The following ZHX2 variants were observed in gnomAD, a reference collection of about 807,000 sequenced individuals.
ZHX2 encodes the protein zinc fingers and homeoboxes protein 2.
ZHX2 carries 6 observed loss-of-function variants against 21.9 expected under a neutral mutation model. The ratio of observed to expected loss-of-function variants is 0.27; its 90% CI spans 0.15 to 0.54. The LOEUF (loss-of-function observed/expected upper bound fraction) is 0.54, where lower values mean the gene tolerates loss of function less well. ZHX2 is among the 20% of genes least tolerant of loss of function. The pLI is 0.95. For missense variants in ZHX2, 908 were observed against 1,090.7 expected (o/e 0.83, Z 2.36); for synonymous variants, 434 against 437.1 (o/e 0.99, Z 0.09).
At chr8:122,834,088 C>T (rs1396548056) in intron 1 of ZHX2, among the ~76,000 whole-genome samples, 1 of 152,088 alleles carries the variant, frequency 6.6e-6, no homozygotes, top group East Asian at 1.9e-4. Flanking sequence ...CCCTCAATTC[C>T]CACAACGGAG....
chr8:122,839,264 A>G (rs1175826702), intron 1 of ZHX2, among the ~76,000 whole-genome samples: 9 of 152,174 alleles, frequency 5.9e-5, no homozygotes, highest in African/African-American at 9.7e-5. Flanking sequence ...TGCACAAGCA[A>G]TGGACAAAAT....
At chr8:122,889,192 G>A (rs1411244507) in intron 2 of ZHX2, among the ~76,000 whole-genome samples, 1 of 152,180 alleles carries the variant, frequency 6.6e-6, no homozygotes, top group Non-Finnish European at 1.5e-5. Context: ...AAACATGGGA[G>A]TGCAGATATC....
At chr8:122,809,401 G>A (rs969869947) in intron 1 of ZHX2, among the ~76,000 whole-genome samples, 1 of 152,216 alleles carries the variant, frequency 6.6e-6, no homozygotes, top group Non-Finnish European at 1.5e-5. Flanking sequence ...TGGGGAGGCT[G>A]AGGCAGGAGA....
At chr8:122,915,175 G>C (rs1820570790) in intron 2 of ZHX2, among the ~76,000 whole-genome samples, 1 of 152,176 alleles carries the variant, frequency 6.6e-6, no homozygotes, top group Non-Finnish European at 1.5e-5. Flanking sequence ...GAGCAGGAAG[G>C]GGCCATACAG....
intron 3 of ZHX2, among the ~76,000 whole-genome samples, chr8:122,968,521 A>G (rs966488348): frequency 6.6e-6 from 1 of 152,072 alleles, no homozygotes; most frequent in African/African-American, 2.4e-5. Flanking sequence ...CCCTCAATAA[A>G]AGAAATGAAA....
intron 2 of ZHX2, among the ~76,000 whole-genome samples, chr8:122,899,241 C>G (rs1038847557): frequency 1.3e-5 from 2 of 152,116 alleles, no homozygotes; most frequent in Non-Finnish European, 2.9e-5. Flanking sequence ...CTAACTCCTA[C>G]AAAGATCCTC....
At chr8:122,824,949 G>A (rs1443157797) in intron 1 of ZHX2, among the ~76,000 whole-genome samples, 3 of 152,328 alleles carry the variant, frequency 2.0e-5, no homozygotes, top group African/African-American at 4.8e-5. Flanking sequence ...GCAGTGGTCA[G>A]TTGAGTCTTT....
chr8:122,880,097 C>T (rs960757993), intron 2 of ZHX2, among the ~76,000 whole-genome samples: 1 of 151,766 alleles, frequency 6.6e-6, no homozygotes, highest in Non-Finnish European at 1.5e-5. Flanking sequence ...CTCAGCCTCC[C>T]GAGTACCTGG....
chr8:122,804,600 G>A (rs1414505374), intron 1 of ZHX2, among the ~76,000 whole-genome samples: 1 of 152,194 alleles, frequency 6.6e-6, no homozygotes, highest in Non-Finnish European at 1.5e-5. Context: ...TAGGCCGGAG[G>A]TATGCAAAAA....
intron 2 of ZHX2, among the ~76,000 whole-genome samples, chr8:122,880,409 T>C (rs951608309): frequency 6.6e-6 from 1 of 152,018 alleles, no homozygotes; most frequent in African/African-American, 2.4e-5. Context: ...CTCCCCTCTT[T>C]CCTGTGAAAA....
At chr8:122,919,586 A>C (rs1358692643) in intron 2 of ZHX2, among the ~76,000 whole-genome samples, 1 of 152,256 alleles carries the variant, frequency 6.6e-6, no homozygotes, top group East Asian at 1.9e-4. Flanking sequence ...ATTTTCAAAG[A>C]TGACAGGGCT....
chr8:122,882,530 T>A (rs548219299), intron 2 of ZHX2, among the ~76,000 whole-genome samples: 1 of 152,292 alleles, frequency 6.6e-6, no homozygotes, highest in South Asian at 2.1e-4. Flanking sequence ...TTGGGTCCCC[T>A]AGACTTTCTC....
intron 2 of ZHX2, among the ~76,000 whole-genome samples, chr8:122,908,077 C>G (rs931120824): frequency 4.6e-5 from 7 of 152,162 alleles, no homozygotes; most frequent in Admixed American, 6.5e-5. Context: ...GCTGTGTGTT[C>G]TCCGTGGATG....
At chr8:122,938,119 G>A (rs1225327123) in intron 2 of ZHX2, among the ~76,000 whole-genome samples, 1 of 150,908 alleles carries the variant, frequency 6.6e-6, no homozygotes, top group Non-Finnish European at 1.5e-5. Flanking sequence ...ATTTTTAGTA[G>A]AGACAGGGTT....
At chr8:122,895,183 C>T (rs1820071263) in intron 2 of ZHX2, among the ~76,000 whole-genome samples, 1 of 152,166 alleles carries the variant, frequency 6.6e-6, no homozygotes, top group Non-Finnish European at 1.5e-5. Flanking sequence ...TCTCTCCCTT[C>T]TTTAAAGGGG....
intron 1 of ZHX2, among the ~76,000 whole-genome samples, chr8:122,785,681 G>A (rs998969295): frequency 1.3e-5 from 2 of 152,196 alleles, no homozygotes; most frequent in Non-Finnish European, 2.9e-5. Flanking sequence ...AACTTGTAAG[G>A]CAGACGGGGT....
intron 2 of ZHX2, among the ~76,000 whole-genome samples, chr8:122,893,659 A>G (rs1820033087): frequency 6.6e-6 from 1 of 152,132 alleles, no homozygotes; most frequent in Non-Finnish European, 1.5e-5. Flanking sequence ...CTTTAGCCCC[A>G]AGATTTCTGT....
Position 122,863,885 on chromosome 8 carries a change from G to A in ZHX2, c.-220+346G>A, listed in dbSNP as rs148885773. ...GCTAGGGAGATATTCTTAGAACAGAGAGGGAGCTATCTGGCTCACACCATT... is the reference window on the plus strand; with the variant it reads ...GCTAGGGAGATATTCTTAGAACAGAAAGGGAGCTATCTGGCTCACACCATT... On this transcript the variant is annotated intron_variant, in intron 2 of 3. Coordinates refer to ENST00000314393, the MANE Select transcript of ZHX2 (RefSeq NM_014943.5). 8.5e-5 allele frequency among the ~76,000 whole-genome samples: 13 copies of A among 152,252 alleles called. No homozygotes were observed. The East Asian group carries it at 2.1e-3, about 25-fold the overall frequency.
intron 3 of ZHX2, among the ~76,000 whole-genome samples, chr8:122,960,696 T>C (rs1813420029): frequency 6.6e-6 from 1 of 152,128 alleles, no homozygotes; most frequent in Non-Finnish European, 1.5e-5. Flanking sequence ...AAGGTGGCCA[T>C]GGTGGGCATG....
Sources: allele counts gnomAD v4.1 joint callset (sites outside exome capture counted in the v4.1 genomes callset), GRCh38; gene constraint gnomAD v4.1.1; transcripts MANE v1.5; gene names NCBI Gene and HGNC (gene_info 2026-07-23, HGNC 2026-07-21).